Variants in RGS22 observed in about 807,000 individuals in gnomAD.
RGS22 encodes the protein regulator of G-protein signaling 22.
Under a neutral mutation model 172.9 loss-of-function variants are expected in RGS22, and 148 were observed. That is an observed-to-expected ratio of 0.86 (90% CI 0.75 to 0.98). The LOEUF (loss-of-function observed/expected upper bound fraction) is 0.98, where lower values mean the gene tolerates loss of function less well. Ranked by LOEUF, RGS22 falls within the 50% of genes least tolerant of loss-of-function variation. The probability of loss-of-function intolerance (pLI) is 0.00; values close to 1 mark genes in which losing one functional copy is unlikely to be tolerated. For missense variants in RGS22, 1,347 were observed against 1,440.8 expected, an observed-to-expected ratio of 0.93 and a Z score of 1.05; for synonymous variants, 458 against 480.2, an observed-to-expected ratio of 0.95 and a Z score of 0.60.
At chr8:100,092,132 T>C (rs1206353452) in intron 3 of RGS22, 2 of 152,148 alleles carry the variant, frequency 1.3e-5, no homozygotes, top group African/African-American at 4.8e-5. Flanking sequence ...TCAAAAGGTA[T>C]TCCAGTGTTT....
chr8:100,094,371 ACTTT>A (rs1812805307), intron 2 of RGS22, among the ~76,000 whole-genome samples: 1 of 152,172 alleles, frequency 6.6e-6, no homozygotes, highest in Non-Finnish European at 1.5e-5. Context: ...ATGGCTGATT[ACTTT>A]CTTTTTATAC....
intron 23 of RGS22, among the ~76,000 whole-genome samples, chr8:99,974,338 G>C (rs1331317801): frequency 6.6e-6 from 1 of 152,112 alleles, no homozygotes; most frequent in Admixed American, 6.6e-5. Flanking sequence ...AAGCAACAGT[G>C]AGATAGAAAT....
chr8:100,070,461 T>C (rs1456500864), intron 6 of RGS22, among the ~76,000 whole-genome samples: 1 of 152,216 alleles, frequency 6.6e-6, no homozygotes, highest in Non-Finnish European at 1.5e-5. Context: ...GACTGAAATG[T>C]ATTGTCTTTA....
intron 20 of RGS22, among the ~76,000 whole-genome samples, chr8:99,994,334 T>C (rs567078585): frequency 3.3e-5 from 5 of 152,322 alleles, no homozygotes; most frequent in Admixed American, 2.6e-4. Flanking sequence ...TGTCCCTGTT[T>C]GCAGATGACA....
At chr8:99,977,011 C>A (rs999032762) in intron 23 of RGS22, among the ~76,000 whole-genome samples, 1 of 151,982 alleles carries the variant, frequency 6.6e-6, no homozygotes, top group African/African-American at 2.4e-5. Flanking sequence ...GAGAAAGAGA[C>A]CAATGAATGA....
intron 4 of RGS22, among the ~76,000 whole-genome samples, chr8:100,075,386 G>C (rs1811278092): frequency 6.6e-6 from 1 of 152,128 alleles, no homozygotes; most frequent in African/African-American, 2.4e-5. Flanking sequence ...TGATATTCCT[G>C]CTCCCTCTTT....
intron 2 of RGS22, among the ~76,000 whole-genome samples, chr8:100,100,474 G>A (rs2926758): frequency 6.6e-6 from 1 of 152,058 alleles, no homozygotes; most frequent in Non-Finnish European, 1.5e-5. Flanking sequence ...ATTTTTGGTA[G>A]AGACGCAGTT....
intron 18 of RGS22, among the ~76,000 whole-genome samples, chr8:100,001,215 T>TAC (rs1471561791): frequency 1.1e-3 from 152 of 133,292 alleles, no homozygotes; most frequent in African/African-American, 4.1e-3. Context: ...TATATATATA[T>TAC]ATATACATAT....
At chr8:100,025,910 G>C (rs2131495878) in intron 14 of RGS22, among the ~76,000 whole-genome samples, 1 of 152,288 alleles carries the variant, frequency 6.6e-6, no homozygotes, top group African/African-American at 2.4e-5. Context: ...GGGTTCTCTG[G>C]AAAAGTAGGC....
intron 14 of RGS22, among the ~76,000 whole-genome samples, chr8:100,036,182 C>G (rs1196844880): frequency 6.6e-6 from 1 of 151,708 alleles, no homozygotes; most frequent in Non-Finnish European, 1.5e-5. Context: ...GTAGAACGAT[C>G]TACAGTAACA....
intron 3 of RGS22, among the ~76,000 whole-genome samples, chr8:100,083,297 A>G (rs955200349): frequency 3.3e-5 from 5 of 152,168 alleles, no homozygotes; most frequent in African/African-American, 1.2e-4. Flanking sequence ...AAAAATTACT[A>G]ACTCTCTGGA....
At chr8:100,044,621 C>T (rs1306198817) in intron 11 of RGS22, among the ~76,000 whole-genome samples, 1 of 148,118 alleles carries the variant, frequency 6.8e-6, no homozygotes, top group African/African-American at 2.5e-5. Flanking sequence ...CTCAGATTAC[C>T]CTTTCTTTTT....
intron 14 of RGS22, among the ~76,000 whole-genome samples, chr8:100,023,144 T>C (rs961606996): frequency 6.6e-6 from 1 of 152,184 alleles, no homozygotes; most frequent in African/African-American, 2.4e-5. Context: ...GTGATTGCTG[T>C]ACAATGAAAA....
intron 15 of RGS22, 47 bp downstream of exon 15, chr8:100,008,328 T>C: frequency 3.2e-6 from 5 of 1,552,186 alleles, no homozygotes; most frequent in Non-Finnish European, 4.4e-6. Context: ...GTCAGTATTG[T>C]AGTAAACCTG....
At chr8:100,001,202 T>TTATATATATATATATATACGTA (rs1815018365) in intron 18 of RGS22, among the ~76,000 whole-genome samples, 1 of 124,780 alleles carries the variant, frequency 8.0e-6, no homozygotes, top group Non-Finnish European at 1.6e-5. Flanking sequence ...TCCCAATTTT[T>TTATATATATATATATATACGTA]TATATATATA....
At chr8:100,061,604 C>T (rs1206991436) in intron 9 of RGS22, among the ~76,000 whole-genome samples, 1 of 152,196 alleles carries the variant, frequency 6.6e-6, no homozygotes, top group African/African-American at 2.4e-5. Flanking sequence ...GAGATACCAT[C>T]TCAAGCCAGT....
intron 4 of RGS22, among the ~76,000 whole-genome samples, chr8:100,073,251 A>G (rs768572036): frequency 6.6e-6 from 1 of 152,210 alleles, no homozygotes; most frequent in African/African-American, 2.4e-5. Flanking sequence ...GAGTTAACAC[A>G]TAGACCATTA....
In RGS22 at chr8:100,004,096, G is replaced by A. The variant is rs568958253; in HGVS notation, c.2457C>T (p.Asp819=). The A allele has an allele frequency of 1.9e-6, 3 of 1,595,076 alleles. No homozygotes were observed. In the African/African-American group the frequency reaches 4.0e-5, roughly 21 times the overall value. Reference sequence around the variant, plus strand: ...TGCCAGTTCCAATTTCACAAGTGGTGTCCTAGTGAAATAGTACTTTTCAGC... The same window carrying A: ...TGCCAGTTCCAATTTCACAAGTGGTATCCTAGTGAAATAGTACTTTTCAGC... The part of the protein sequence containing the change: ...HKETFSKKAE[D]TTCEIGTGIL... Residue 819 remains aspartate (D), a splice_region_variant and synonymous_variant, in exon 17 of 28, where the codon GAC becomes GAT. Transcript: ENST00000360863.
intron 18 of RGS22, among the ~76,000 whole-genome samples, chr8:100,001,058 A>G (rs1814988730): frequency 1.3e-5 from 2 of 151,614 alleles, no homozygotes; most frequent in African/African-American, 4.8e-5. Flanking sequence ...ACTATACATT[A>G]CATCTTTAGG....
Sources: gnomAD v4.1 joint callset for allele counts (sites outside exome capture counted in the v4.1 genomes callset) on GRCh38, gnomAD v4.1.1 for gene constraint, MANE v1.5 for transcripts, NCBI Gene and HGNC (gene_info 2026-07-23, HGNC 2026-07-21) for gene names.